The following IL1RAPL1 variants were observed in gnomAD, a reference collection of about 807,000 sequenced individuals.
IL1RAPL1 encodes interleukin 1 receptor accessory protein like 1.
A neutral mutation model predicts 48.4 loss-of-function variants in IL1RAPL1; 3 were observed. That is an observed-to-expected ratio of 0.06 (90% confidence interval 0.03 to 0.16). The LOEUF (loss-of-function observed/expected upper bound fraction) is 0.16, where lower values mean the gene tolerates loss of function less well. Among genes scored for constraint, IL1RAPL1 ranks in the 10% least tolerant of loss-of-function variants. The pLI is 1.00. For synonymous variants in IL1RAPL1, 185 were observed against 187.7 expected, an observed-to-expected ratio of 0.99 and a Z score of 0.12; for missense variants, 349 against 530.6, an observed-to-expected ratio of 0.66 and a Z score of 3.36.
At chrX:28,713,307 C>T (rs1935463759) in intron 1 of IL1RAPL1, among the ~76,000 whole-genome samples, 1 of 110,879 alleles carries the variant, frequency 9.0e-6, no homozygotes, top group South Asian at 3.8e-4. Flanking sequence ...CTGCCCACCT[C>T]GGCCTCCCAA....
intron 6 of IL1RAPL1, among the ~76,000 whole-genome samples, chrX:29,679,987 A>G (rs975390108): frequency 2.7e-5 from 3 of 112,245 alleles, no homozygotes; most frequent in Non-Finnish European, 5.6e-5. Flanking sequence ...ATAATTTAGA[A>G]GGGAAATAAT....
intron 2 of IL1RAPL1, among the ~76,000 whole-genome samples, chrX:29,175,376 C>T (rs894470483): frequency 8.9e-6 from 1 of 111,947 alleles, no homozygotes; most frequent in African/African-American, 3.2e-5. Flanking sequence ...GTGAGTTATA[C>T]ATGGGCTGAG....
intron 2 of IL1RAPL1, among the ~76,000 whole-genome samples, chrX:29,100,598 C>T (rs1928314692): frequency 8.9e-6 from 1 of 111,962 alleles, no homozygotes; most frequent in Admixed American, 9.4e-5. Context: ...CAGAGGCATG[C>T]TTAAGTCAAA....
At chrX:29,018,008 A>G (rs1926279479) in intron 2 of IL1RAPL1, among the ~76,000 whole-genome samples, 1 of 111,870 alleles carries the variant, frequency 8.9e-6, no homozygotes, top group Non-Finnish European at 1.9e-5. Flanking sequence ...TGATTGTTCC[A>G]TAATAAAAGA....
At chrX:29,659,070 T>A (rs867458462) in intron 5 of IL1RAPL1, among the ~76,000 whole-genome samples, 6 of 111,665 alleles carry the variant, frequency 5.4e-5, no homozygotes, top group Admixed American at 2.9e-4. Context: ...TGGAACGAAA[T>A]GGAGCCCAAG....
intron 6 of IL1RAPL1, among the ~76,000 whole-genome samples, chrX:29,906,499 ATATATATATATATATATATATATT>A (rs1170934483): frequency 2.3e-5 from 1 of 43,246 alleles, no homozygotes; most frequent in East Asian, 7.7e-4. Flanking sequence ...ATATATATAT[ATATATATATATATATATATATATT>A]TCTGTAGCCT....
intron 4 of IL1RAPL1, 143 bp downstream of exon 4, chrX:29,396,587 TTA>T (rs750892851): frequency 1.3e-4 from 67 of 535,077 alleles, no homozygotes; most frequent in Middle Eastern, 7.3e-4. Context: ...GTACTGGTCA[TTA>T]TATGTTTTTT....
intron 5 of IL1RAPL1, among the ~76,000 whole-genome samples, chrX:29,607,122 A>C (rs1303297032): frequency 8.9e-6 from 1 of 111,745 alleles, no homozygotes; most frequent in Non-Finnish European, 1.9e-5. Flanking sequence ...GGGTGTTAAA[A>C]TATGATTCAC....
chrX:29,862,175 AT>A (rs1330902750), intron 6 of IL1RAPL1, among the ~76,000 whole-genome samples: 5 of 110,782 alleles, frequency 4.5e-5, no homozygotes, highest in African/African-American at 1.7e-4. Flanking sequence ...AAAAAAAAAA[AT>A]AAGAATAATC....
chrX:28,807,280 T>G (rs1439576553), intron 2 of IL1RAPL1, among the ~76,000 whole-genome samples: 1 of 111,482 alleles, frequency 9.0e-6, no homozygotes, highest in East Asian at 2.8e-4. Flanking sequence ...TAATATGGAA[T>G]TAGTAAGCCT....
intron 5 of IL1RAPL1, 69 bp downstream of exon 5, chrX:29,399,377 C>T (rs372010294): frequency 1.1e-6 from 1 of 884,072 alleles, no homozygotes; most frequent in Non-Finnish European, 1.7e-6. Context: ...TTTTATGCTA[C>T]ACATTGATAT....
intron 2 of IL1RAPL1, among the ~76,000 whole-genome samples, chrX:29,157,392 A>G (rs140487602): frequency 0.012 from 1,292 of 111,888 alleles, 18 homozygotes; most frequent in African/African-American, 0.039. Flanking sequence ...CAAACAAAGT[A>G]ATTCAGTAAT....
At chrX:29,792,657 C>T (rs1334459779) in intron 6 of IL1RAPL1, among the ~76,000 whole-genome samples, 1 of 111,178 alleles carries the variant, frequency 9.0e-6, no homozygotes, top group Non-Finnish European at 1.9e-5. Context: ...GGGGACCATT[C>T]GGAAATCCTG....
In IL1RAPL1 at chrX:28,888,695, T is replaced by A. The variant is rs758558902; in HGVS notation, c.82+99270T>A. Among the ~76,000 whole-genome samples, 9 of 111,525 alleles carry A rather than the reference T, an allele frequency of 8.1e-5. No homozygotes were observed. The South Asian group carries it at 3.3e-3, about 41-fold the overall frequency. On this transcript the variant is annotated intron_variant, in intron 2 of 10. Transcript: ENST00000378993. ...AAAAAAAGTCCTTTTAAAACAGTATTAGTCATGTCTACAGGATATTTTCTC... is the reference window on the plus strand; with the variant it reads ...AAAAAAAGTCCTTTTAAAACAGTATAAGTCATGTCTACAGGATATTTTCTC...
At chrX:29,755,270 A>C (rs1259045609) in intron 6 of IL1RAPL1, among the ~76,000 whole-genome samples, 4 of 112,292 alleles carry the variant, frequency 3.6e-5, no homozygotes, top group African/African-American at 1.3e-4. Context: ...AACTAGGTTT[A>C]GCCCACTCTG....
chrX:29,482,423 T>C (rs1280833372), intron 5 of IL1RAPL1, among the ~76,000 whole-genome samples: 1 of 112,309 alleles, frequency 8.9e-6, no homozygotes, highest in Admixed American at 9.5e-5. Context: ...GTTATGAGGA[T>C]ATTTAATCAC....
At chrX:29,464,896 A>G (rs1934844832) in intron 5 of IL1RAPL1, among the ~76,000 whole-genome samples, 1 of 111,335 alleles carries the variant, frequency 9.0e-6, no homozygotes, top group Admixed American at 9.6e-5. Context: ...ATATGGATAA[A>G]AAGAAGGGAA....
At chrX:28,710,412 T>C (rs933246543) in intron 1 of IL1RAPL1, among the ~76,000 whole-genome samples, 2 of 110,028 alleles carry the variant, frequency 1.8e-5, no homozygotes, top group Admixed American at 9.7e-5. Flanking sequence ...GTAAGACTCA[T>C]TGAGTAGGTG....
chrX:29,107,216 A>G (rs1430871722), intron 2 of IL1RAPL1, among the ~76,000 whole-genome samples: 1 of 112,342 alleles, frequency 8.9e-6, no homozygotes, highest in African/African-American at 3.2e-5. Context: ...TGAATCTCAA[A>G]TTATTATTTG....
Sources: gnomAD v4.1 joint callset for allele counts (sites outside exome capture counted in the v4.1 genomes callset) on GRCh38, gnomAD v4.1.1 for gene constraint, MANE v1.5 for transcripts, NCBI Gene and HGNC (gene_info 2026-07-23, HGNC 2026-07-21) for gene names.